The following PUM3 variants were observed in gnomAD, a reference collection of about 807,000 sequenced individuals.
The protein encoded by PUM3 is pumilio RNA binding family member 3.
In PUM3, 91 loss-of-function variants were observed where a neutral mutation model predicts 84.0. The observed-to-expected ratio is 1.08, with a 90% CI of 0.91 to 1.29. The LOEUF (loss-of-function observed/expected upper bound fraction) is 1.29. Among genes scored for constraint, PUM3 ranks in the 50% most tolerant of loss-of-function variants. PUM3 has a pLI of 0.00. For synonymous variants in PUM3, 321 were observed against 266.7 expected, an observed-to-expected ratio of 1.20 and a Z score of -1.98; for missense variants, 1,067 against 767.5, an observed-to-expected ratio of 1.39 and a Z score of -4.61.
At chr9:2,831,178 G>C (rs1411902280) in intron 6 of PUM3, 73 bp downstream of exon 6, 3 of 1,178,178 alleles carry the variant, frequency 2.5e-6, no homozygotes, top group Non-Finnish European at 3.7e-6. Context: ...TTCTAGGACA[G>C]TCTTGGGTAT....
intron 16 of PUM3, chr9:2,808,121 A>C: frequency 2.0e-6 from 1 of 507,778 alleles, no homozygotes; most frequent in Non-Finnish European, 3.5e-6. Context: ...CCAAAACCTA[A>C]GCTATGTTTA....
intron 13 of PUM3, among the ~76,000 whole-genome samples, chr9:2,812,919 G>A (rs1821401369): frequency 6.6e-6 from 1 of 152,238 alleles, no homozygotes; most frequent in Admixed American, 6.5e-5. Context: ...GCACCGGCAT[G>A]AATGAAGAAC....
chr9:2,820,038 C>A lies in PUM3; in HGVS notation c.1249G>T (p.Val417Leu), dbSNP rs1274766916. 1 of 1,610,052 alleles carries A rather than the reference C, an allele frequency of 6.2e-7. No homozygotes were observed. The highest frequency in any genetic ancestry group is 8.5e-7 in the Non-Finnish European group (1 of 1,176,788). ...CTTACTGATATGATTATCTGCTTCA[C>A]AAGCTTAGTATCATCAATACAATCA... ...AFDCIDDTKL[V>L]KQIIISEIIS... Residue 417 changes from valine to leucine, a missense_variant, in exon 13 of 18, where the codon GTG becomes TTG. Physicochemically the swap from Val to Leu is conservative, Grantham distance 32. Coordinates refer to ENST00000397885, the MANE Select transcript of PUM3 (RefSeq NM_014878.5).
chr9:2,812,839 T>A (rs1474198363), intron 13 of PUM3, among the ~76,000 whole-genome samples: 1 of 152,236 alleles, frequency 6.6e-6, no homozygotes, highest in Non-Finnish European at 1.5e-5. Flanking sequence ...CTTGGGCCAC[T>A]ATTACTAGGG....
rs543847850 is a variant in PUM3, at chr9:2,829,291, T to C, written c.852+483A>G. Among the ~76,000 whole-genome samples the C allele has an allele frequency of 7.0e-4, 106 of 152,212 alleles. 1 individual carries two copies. The highest frequency in any genetic ancestry group is 1.0e-3 in the Non-Finnish European group (70 of 68,040). ...CAGCTAGTCCCACTGCTAACTATTC[T>C]CAGATTCAATCCCTGTACTCTATCC... On this transcript the variant is annotated intron_variant, in intron 8 of 17. Transcript: ENST00000397885.
At chr9:2,826,390 C>G (rs886638494) in intron 10 of PUM3, among the ~76,000 whole-genome samples, 1 of 152,130 alleles carries the variant, frequency 6.6e-6, no homozygotes, top group Non-Finnish European at 1.5e-5. Flanking sequence ...ACGTGGGTGG[C>G]TACCATCAGG....
At position 2,831,265 on chromosome 9, in the gene PUM3, A is replaced by G; in HGVS notation, c.596T>C (p.Phe199Ser). ...YGNEEQRKQA[F>S]EELRDDLVEL... ...GTAATAAATACCTCGCAATTCTTCA[A>G]AAGCCTGTTTTCTCTGTTCTTCATT... Residue 199 changes from phenylalanine (F) to serine (S), a missense_variant, in exon 6 of 18, where the codon TTT becomes TCT. Transcript: ENST00000397885. The G allele has an allele frequency of 6.3e-7, 1 of 1,599,252 alleles. No homozygotes were observed. The highest frequency in any genetic ancestry group is 8.6e-7 in the Non-Finnish European group (1 of 1,169,342).
chr9:2,826,987 A>G (rs1815838754), intron 10 of PUM3, 86 bp downstream of exon 10: 1 of 1,010,022 alleles, frequency 9.9e-7, no homozygotes. Context: ...AATTTCCACA[A>G]GACAACGTAC....
In PUM3 at chr9:2,821,443, C is replaced by CAAAAAAAAAAAAAAAA. The variant is rs572752267; in HGVS notation, c.1189-1361_1189-1346dup. Among the ~76,000 whole-genome samples, 150 of 50,058 alleles carry CAAAAAAAAAAAAAAAA rather than the reference C, an allele frequency of 3.0e-3. 12 individuals are homozygous for CAAAAAAAAAAAAAAAA. The highest frequency in any genetic ancestry group is 0.01 in the African/African-American group (129 of 12,386). 32.8% of individuals were successfully genotyped at this position (50,058 alleles called of 152,430 possible). On this transcript the variant is annotated intron_variant, in intron 12 of 17. Transcript: ENST00000397885. ...TGGGCGACAGAGCAAGACTCTGTCT[C>CAAAAAAAAAAAAAAAA]AAAAAAAAAAAAAAAAAAAGAACAT...
chr9:2,818,800 G>A (rs1821525064), intron 13 of PUM3, among the ~76,000 whole-genome samples: 1 of 152,178 alleles, frequency 6.6e-6, no homozygotes, highest in Non-Finnish European at 1.5e-5. Flanking sequence ...GCAAGGGCAT[G>A]AGAAATTCAC....
chr9:2,810,570 T>C (rs1171190955), intron 15 of PUM3, 139 bp from the exon 16 acceptor site: 2 of 597,836 alleles, frequency 3.3e-6, no homozygotes, highest in Non-Finnish European at 5.8e-6. Flanking sequence ...TTAAGAGGTC[T>C]TTATCTAGGA....
chr9:2,815,829 A>G (rs1821456575), intron 13 of PUM3, among the ~76,000 whole-genome samples: 1 of 152,198 alleles, frequency 6.6e-6, no homozygotes, highest in Non-Finnish European at 1.5e-5. Context: ...ACTTACAGAA[A>G]ATTCACAAAG....
Position 2,827,108 on chromosome 9 carries a change from C to T in PUM3, c.1000G>A (p.Asp334Asn). Residue 334 changes from aspartate (D) to asparagine (N), a missense_variant, in exon 10 of 18, where the codon GAC (aspartate) becomes AAC (asparagine). Transcript: ENST00000397885. The part of the protein sequence containing the change: ...KHSLVHKVFL[D>N]FFTYAPPKLR... Reference sequence around the variant, plus strand: ...TTGGGGGGTGCATAGGTAAAAAAGTCCAAGAATACTTTATGCACCAATGAG... The same window carrying T: ...TTGGGGGGTGCATAGGTAAAAAAGTTCAAGAATACTTTATGCACCAATGAG... The T allele has an allele frequency of 6.2e-7, 1 of 1,609,456 alleles. No individual in the cohort carries two copies. The highest frequency in any genetic ancestry group is 1.1e-5 in the South Asian group (1 of 89,598).
chr9:2,835,730 AGTACATTTATCAGTGTGGGGGT>A (rs2129878937), intron 3 of PUM3, among the ~76,000 whole-genome samples: 1 of 152,296 alleles, frequency 6.6e-6, no homozygotes, highest in African/African-American at 2.4e-5. Flanking sequence ...GCTAGGCTGC[AGTACATTTATCAGTGTGGGGGT>A]TGTCTAGTAA....
chr9:2,831,339 T>C lies in PUM3; in HGVS notation c.522A>G (p.Ala174=), dbSNP rs772205552. 5.6e-6 allele frequency: 9 copies of C among 1,602,144 alleles called. No individual in the cohort carries two copies. In the African/African-American group the frequency reaches 9.4e-5, roughly 17 times the overall value. Residue 174 remains alanine (A), a synonymous_variant, in exon 6 of 18, where the codon GCA becomes GCG. Coordinates refer to ENST00000397885, the MANE Select transcript of PUM3 (RefSeq NM_014878.5). ...TCACACGAGTTGAATCGTGTGCAAA[T>C]GCAATCTGCAGGAAAAAGTTTGAGT... The part of the protein sequence containing the change: ...KLIQGKIKTI[A]FAHDSTRVIQ...
At chr9:2,811,617 G>T (rs370332194) in intron 14 of PUM3, 34 bp from the exon 15 acceptor site, 1 of 1,523,528 alleles carries the variant, frequency 6.6e-7, no homozygotes, top group Non-Finnish European at 9.1e-7. Context: ...ATTAAGGTAA[G>T]ATAAATCGCA....
chr9:2,812,830 T>C (rs1174004239), intron 13 of PUM3, among the ~76,000 whole-genome samples: 1 of 152,250 alleles, frequency 6.6e-6, no homozygotes, highest in African/African-American at 2.4e-5. Flanking sequence ...CCAGTATTTC[T>C]TGGGCCACTA....
At chr9:2,806,746 T>G (rs1403325206) in intron 17 of PUM3, among the ~76,000 whole-genome samples, 1 of 152,216 alleles carries the variant, frequency 6.6e-6, no homozygotes, top group Non-Finnish European at 1.5e-5. Flanking sequence ...TCACTGTTTT[T>G]TTCTCATTTT....
At chr9:2,807,683 C>T in intron 17 of PUM3, 131 bp downstream of exon 17, 1 of 465,960 alleles carries the variant, frequency 2.1e-6, no homozygotes, top group Non-Finnish European at 3.9e-6. Flanking sequence ...GTATGTTTGT[C>T]TAGACCATGA....
Sources: gnomAD v4.1 joint callset for allele counts (sites outside exome capture counted in the v4.1 genomes callset) on GRCh38, gnomAD v4.1.1 for gene constraint, MANE v1.5 for transcripts, NCBI Gene and HGNC (gene_info 2026-07-23, HGNC 2026-07-21) for gene names.